ADGRV1: variants seen among roughly 807,000 people sequenced by gnomAD.
ADGRV1 encodes G-protein coupled receptor 98.
In ADGRV1, 359 loss-of-function variants were observed where a neutral mutation model predicts 596.2. The ratio of observed to expected loss-of-function variants is 0.60; its 90% CI spans 0.55 to 0.66. The LOEUF is 0.66. ADGRV1 is among the 30% of genes least tolerant of loss of function. The pLI is 0.00. For missense variants in ADGRV1, 7,274 were observed against 7,575.6 expected (o/e 0.96, Z 1.48); for synonymous variants, 2,681 against 2,679.2 (o/e 1.00, Z -0.02).
chr5:90,644,685 A>G, intron 14 of ADGRV1, 21 bp from the exon 15 acceptor site: 2 of 1,588,338 alleles, frequency 1.3e-6, no homozygotes, highest in Non-Finnish European at 1.7e-6. Flanking sequence ...CATATGTATT[A>G]TGTATGTTTC....
Position 91,035,861 on chromosome 5 carries a change from T to TATAATATATATATATA in ADGRV1, c.18153-36586_18153-36585insATAATATATATATATA. Among the ~76,000 whole-genome samples the TATAATATATATATATA allele has an allele frequency of 1.1e-3, 106 of 96,360 alleles. 3 individuals carry two copies. Among genetic ancestry groups the TATAATATATATATATA allele is most frequent in the Middle Eastern group, 5.4e-3 (1 of 186 alleles). 63.2% of individuals were successfully genotyped at this position (96,360 alleles called of 152,430 possible). On this transcript the variant is annotated intron_variant, in intron 85 of 89. Coordinates refer to ENST00000405460, the MANE Select transcript of ADGRV1 (RefSeq NM_032119.4). ...ATGAGTGTGTATATATATATATATATTATATATATATATATATATATCTTA... is the reference window on the plus strand; with the variant it reads ...ATGAGTGTGTATATATATATATATATATAATATATATATATATATATATATATATATATATATCTTA...
chr5:91,027,110 C>G (rs1366857154), intron 85 of ADGRV1, among the ~76,000 whole-genome samples: 1 of 148,716 alleles, frequency 6.7e-6, no homozygotes, highest in Non-Finnish European at 1.5e-5. Context: ...CCACTGCACT[C>G]TAGCCTGGGC....
intron 83 of ADGRV1, among the ~76,000 whole-genome samples, chr5:90,961,460 C>T (rs979728021): frequency 7.4e-6 from 1 of 134,270 alleles, no homozygotes. Flanking sequence ...TGCACTCCAG[C>T]CTGGGTGACA....
intron 76 of ADGRV1, 42 bp downstream of exon 76, chr5:90,823,638 ATTTC>A: frequency 6.6e-7 from 1 of 1,521,630 alleles, no homozygotes; most frequent in Non-Finnish European, 9.1e-7. Context: ...TTCTAATTAT[ATTTC>A]TTTAGAATTA....
At chr5:90,970,444 C>G (rs1251445581) in intron 84 of ADGRV1, among the ~76,000 whole-genome samples, 1 of 152,094 alleles carries the variant, frequency 6.6e-6, no homozygotes, top group Non-Finnish European at 1.5e-5. Context: ...GGTCTCTGAC[C>G]CCCAAGTAGC....
Position 90,778,032 on chromosome 5 carries a change from G to C in ADGRV1, c.12655G>C (p.Val4219Leu). Residue 4219 changes from valine to leucine, a missense_variant, in exon 62 of 90, where the codon GTA (valine) becomes CTA (leucine). Physicochemically the swap from Val to Leu is conservative, Grantham distance 32. This residue lies in a region of ADGRV1 where 3,643 missense variants were observed against 3,809.2 expected (regional missense o/e 0.96). Coordinates refer to ENST00000405460, the MANE Select transcript of ADGRV1 (RefSeq NM_032119.4). ...GCGAGACGAACAGTCTGCAGTCATT[G>C]TAGTAATACAGGTATCAATATTAGC... ...TMRDEQSAVIVVIQALNDDIP... is the reference protein window; with the variant it reads ...TMRDEQSAVILVIQALNDDIP... 1 of 1,568,610 alleles carries C rather than the reference G, an allele frequency of 6.4e-7. No individual in the cohort carries two copies. The highest frequency in any genetic ancestry group is 8.7e-7 in the Non-Finnish European group (1 of 1,155,108).
In ADGRV1 at chr5:91,150,130, G is replaced by A. The variant is rs1033424320; in HGVS notation, c.18533G>A (p.Ser6178Asn). ...GAAATGAATGGGCATCCTGGACCCAGCACAGCCTTTTTCACGCCCGGGAGT... is the reference window on the plus strand; with the variant it reads ...GAAATGAATGGGCATCCTGGACCCAACACAGCCTTTTTCACGCCCGGGAGT... Reference protein sequence around the residue: ...TVEMNGHPGPSTAFFTPGSGM... With the variant: ...TVEMNGHPGPNTAFFTPGSGM... The change falls in exon 88 of 90, where the codon AGC (serine) becomes AAC (asparagine). Residue 6178 changes from serine (S) to asparagine (N), a missense_variant. Ser to Asn is a conservative substitution (Grantham distance 46, BLOSUM62 1). Coordinates refer to ENST00000405460, the MANE Select transcript of ADGRV1 (RefSeq NM_032119.4). The A allele has an allele frequency of 1.6e-5, 25 of 1,592,792 alleles. No homozygotes were observed. Among genetic ancestry groups the A allele is most frequent in the Admixed American group, 5.3e-5 (3 of 56,966 alleles).
intron 11 of ADGRV1, 104 bp downstream of exon 11, chr5:90,638,052 AAAGTC>A (rs1165775046): frequency 9.2e-5 from 74 of 802,652 alleles, no homozygotes; most frequent in Admixed American, 2.9e-4. Context: ...AGTAAAAAAA[AAAGTC>A]AAGTAAATAG....
At chr5:90,777,087 C>T (rs1758319915) in intron 61 of ADGRV1, among the ~76,000 whole-genome samples, 1 of 152,126 alleles carries the variant, frequency 6.6e-6, no homozygotes. Flanking sequence ...GTTCAAGGTT[C>T]TGCAGGCTGT....
chr5:90,905,402 A>G (rs1463903659), intron 83 of ADGRV1, among the ~76,000 whole-genome samples: 2 of 151,620 alleles, frequency 1.3e-5, no homozygotes, highest in Non-Finnish European at 2.9e-5. Flanking sequence ...ACCCCCTTCC[A>G]TTTTTTCATC....
At chr5:90,673,049 ATGTT>A (rs1772709610) in intron 22 of ADGRV1, among the ~76,000 whole-genome samples, 1 of 152,196 alleles carries the variant, frequency 6.6e-6, no homozygotes, top group African/African-American at 2.4e-5. Flanking sequence ...ATGTCAAAAC[ATGTT>A]TGTTTAATTA....
chr5:90,691,979 AT>A (rs529956521), intron 31 of ADGRV1, among the ~76,000 whole-genome samples: 57 of 152,340 alleles, frequency 3.7e-4, no homozygotes, highest in African/African-American at 1.2e-3. Context: ...AAGTATTAAC[AT>A]TTAGATCTCA....
chr5:90,925,181 G>A (rs1774303021), intron 83 of ADGRV1, among the ~76,000 whole-genome samples: 1 of 152,110 alleles, frequency 6.6e-6, no homozygotes, highest in Non-Finnish European at 1.5e-5. Flanking sequence ...GTCATTGGTA[G>A]CTTGATGGGG....
intron 89 of ADGRV1, among the ~76,000 whole-genome samples, chr5:91,161,708 AT>A (rs1358231407): frequency 6.6e-6 from 1 of 152,122 alleles, no homozygotes; most frequent in African/African-American, 2.4e-5. Context: ...AGATAGGAGT[AT>A]TATTAAATTT....
intron 83 of ADGRV1, among the ~76,000 whole-genome samples, chr5:90,947,634 C>T (rs1465479179): frequency 6.6e-6 from 1 of 151,886 alleles, no homozygotes; most frequent in African/African-American, 2.4e-5. Context: ...AAAGAAGGCC[C>T]AGAACACCAA....
In ADGRV1 at chr5:90,832,048, G is replaced by A. The variant is rs548582838; in HGVS notation, c.16611+2862G>A. 1.3e-3 allele frequency among the ~76,000 whole-genome samples: 203 copies of A among 152,242 alleles called. 1 individual carries two copies. Among genetic ancestry groups the A allele is most frequent in the African/African-American group, 4.7e-3 (196 of 41,558 alleles). Reference sequence around the variant, plus strand: ...GTGTTGCAACAAACATGAGAGTGCAGGTATCTCTTTGATACACTTTCTTTT... The same window carrying A: ...GTGTTGCAACAAACATGAGAGTGCAAGTATCTCTTTGATACACTTTCTTTT... On this transcript the variant is annotated intron_variant, in intron 77 of 89. Coordinates refer to ENST00000405460, the MANE Select transcript of ADGRV1 (RefSeq NM_032119.4).
At chr5:91,013,160 C>A (rs2151156023) in intron 85 of ADGRV1, among the ~76,000 whole-genome samples, 1 of 152,150 alleles carries the variant, frequency 6.6e-6, no homozygotes, top group East Asian at 1.9e-4. Context: ...CATGTCTTTG[C>A]CATTGTGAAC....
chr5:90,860,922 C>T (rs1442262244), intron 82 of ADGRV1, among the ~76,000 whole-genome samples: 1 of 152,092 alleles, frequency 6.6e-6, no homozygotes, highest in Admixed American at 6.5e-5. Flanking sequence ...TGGAAAGTAT[C>T]TCTCATTCTT....
At chr5:90,972,948 C>T (rs946678282) in intron 84 of ADGRV1, among the ~76,000 whole-genome samples, 3 of 152,102 alleles carry the variant, frequency 2.0e-5, no homozygotes, top group Admixed American at 6.5e-5. Flanking sequence ...AACTGATAGA[C>T]CACTAGCAAG....
Sources: gnomAD v4.1 joint callset for allele counts (sites outside exome capture counted in the v4.1 genomes callset) on GRCh38, gnomAD v4.1.1 for gene constraint, gnomAD v4.1.1 regional missense constraint, MANE v1.5 for transcripts, NCBI Gene and HGNC (gene_info 2026-07-23, HGNC 2026-07-21) for gene names.